PCSK6: variants seen among roughly 807,000 people sequenced by gnomAD.
PCSK6 encodes paired basic amino acid cleaving enzyme 4.
A neutral mutation model predicts 123.3 loss-of-function variants in PCSK6; 85 were observed. The observed-to-expected ratio is 0.69, with a 90% CI of 0.58 to 0.83. PCSK6 has a LOEUF of 0.83. PCSK6 is among the 40% of genes least tolerant of loss of function. PCSK6 has a pLI of 0.00. For synonymous variants in PCSK6, 508 were observed against 516.0 expected, an observed-to-expected ratio of 0.98 and a Z score of 0.21; for missense variants, 1,191 against 1,282.3, an observed-to-expected ratio of 0.93 and a Z score of 1.09.
intron 17 of PCSK6, among the ~76,000 whole-genome samples, chr15:101,324,170 C>T (rs79391053): frequency 0.025 from 3,834 of 152,280 alleles, 110 homozygotes; most frequent in East Asian, 0.12. Context: ...ATCTGTAGGA[C>T]GAGGAAAACA....
intron 19 of PCSK6, among the ~76,000 whole-genome samples, chr15:101,316,910 GTTTTTT>G (rs57613156): frequency 0.19 from 22,304 of 115,002 alleles, 2,201 homozygotes; most frequent in African/African-American, 0.29. Context: ...ACTTAATTCT[GTTTTTT>G]TTTTTTTTTT....
At chr15:101,312,812 C>A (rs1373395779) in intron 20 of PCSK6, among the ~76,000 whole-genome samples, 2 of 139,104 alleles carry the variant, frequency 1.4e-5, no homozygotes, top group Non-Finnish European at 3.0e-5. Flanking sequence ...GCCTGGGCGA[C>A]AGGCGAGACT....
intron 1 of PCSK6, among the ~76,000 whole-genome samples, chr15:101,444,569 A>G (rs2056838680): frequency 6.6e-6 from 1 of 152,194 alleles, no homozygotes; most frequent in South Asian, 2.1e-4. Context: ...CAGCAGTTCT[A>G]TATGATGATT....
chr15:101,489,136 T>G (rs2141289599), intron 1 of PCSK6, among the ~76,000 whole-genome samples: 5 of 136,842 alleles, frequency 3.7e-5, no homozygotes, highest in East Asian at 2.4e-4. Context: ...CGGACCTGCG[T>G]GGGCGCCCAC....
At chr15:101,357,892 A>G (rs2041092675) in intron 13 of PCSK6, among the ~76,000 whole-genome samples, 1 of 151,976 alleles carries the variant, frequency 6.6e-6, no homozygotes, top group Non-Finnish European at 1.5e-5. Flanking sequence ...ATCCACACTG[A>G]CGCCTTCTGT....
chr15:101,479,501 C>T (rs1244897540), intron 1 of PCSK6, among the ~76,000 whole-genome samples: 2 of 152,142 alleles, frequency 1.3e-5, no homozygotes, highest in Non-Finnish European at 2.9e-5. Flanking sequence ...TATGAGTGAG[C>T]AGGCCCGGCC....
intron 1 of PCSK6, among the ~76,000 whole-genome samples, chr15:101,472,485 C>T (rs1030482417): frequency 1.3e-5 from 2 of 152,236 alleles, no homozygotes; most frequent in Admixed American, 6.5e-5. Flanking sequence ...CCTGACAGCA[C>T]GATTCAAACA....
chr15:101,372,637 C>T (rs989188125), intron 11 of PCSK6, among the ~76,000 whole-genome samples: 2 of 152,068 alleles, frequency 1.3e-5, no homozygotes. Flanking sequence ...CCACCTTCAC[C>T]CCACACTAAG....
chr15:101,427,849 G>T (rs1217386296), intron 6 of PCSK6, 43 bp downstream of exon 6: 86 of 1,471,950 alleles, frequency 5.8e-5, no homozygotes, highest in Non-Finnish European at 6.1e-5. Flanking sequence ...AGCTGCCCCT[G>T]CCCCAGGCCC....
At chr15:101,389,827 T>C (rs1453661030) in intron 8 of PCSK6, among the ~76,000 whole-genome samples, 1 of 151,950 alleles carries the variant, frequency 6.6e-6, no homozygotes, top group Non-Finnish European at 1.5e-5. Flanking sequence ...TAATAATAGA[T>C]CAGCTGGTTC....
chr15:101,468,926 A>C (rs1177608282), intron 1 of PCSK6, among the ~76,000 whole-genome samples: 2 of 152,234 alleles, frequency 1.3e-5, no homozygotes, highest in African/African-American at 4.8e-5. Context: ...TGTTGCAATC[A>C]TATTTTACAG....
intron 1 of PCSK6, among the ~76,000 whole-genome samples, chr15:101,448,809 T>C (rs752679876): frequency 2.6e-4 from 40 of 152,356 alleles, no homozygotes; most frequent in Non-Finnish European, 5.1e-4. Flanking sequence ...TCCTTGTCCT[T>C]TGCGGCAGGT....
intron 1 of PCSK6, among the ~76,000 whole-genome samples, chr15:101,467,677 A>T (rs2141225087): frequency 6.6e-6 from 1 of 152,364 alleles, no homozygotes; most frequent in African/African-American, 2.4e-5. Flanking sequence ...AGTGAAAGTA[A>T]GAGAACCACA....
At chr15:101,356,407 T>G (rs1266080885) in intron 13 of PCSK6, among the ~76,000 whole-genome samples, 1 of 149,990 alleles carries the variant, frequency 6.7e-6, no homozygotes, top group Non-Finnish European at 1.5e-5. Context: ...ACCCTGTAAT[T>G]GCAGCACTTT....
At chr15:101,445,501 C>G (rs919617404) in intron 1 of PCSK6, among the ~76,000 whole-genome samples, 1 of 152,160 alleles carries the variant, frequency 6.6e-6, no homozygotes, top group Non-Finnish European at 1.5e-5. Flanking sequence ...TTATTTCTGC[C>G]CTATTTTGCT....
intron 13 of PCSK6, among the ~76,000 whole-genome samples, chr15:101,352,814 C>T (rs1292290713): frequency 3.3e-5 from 5 of 152,206 alleles, no homozygotes; most frequent in African/African-American, 4.8e-5. Flanking sequence ...GTTAAAGTGA[C>T]GGCTAACCCT....
chr15:101,402,078 A>C (rs2042605006), intron 6 of PCSK6, among the ~76,000 whole-genome samples: 1 of 151,380 alleles, frequency 6.6e-6, no homozygotes, highest in South Asian at 2.1e-4. Flanking sequence ...AGAGATATAG[A>C]TCAATGGAAC....
intron 12 of PCSK6, 61 bp downstream of exon 12, chr15:101,370,274 C>T (rs1339806341): frequency 1.5e-6 from 2 of 1,358,792 alleles, no homozygotes; most frequent in African/African-American, 3.0e-5. Flanking sequence ...TGGACAGAAG[C>T]TCTTGTGCAG....
chr15:101,458,757 C>T (rs1189293898), intron 1 of PCSK6, among the ~76,000 whole-genome samples: 1 of 152,194 alleles, frequency 6.6e-6, no homozygotes, highest in African/African-American at 2.4e-5. Context: ...CAATCATTCA[C>T]GCTCTCTGCG....
Sources: allele counts gnomAD v4.1 joint callset (sites outside exome capture counted in the v4.1 genomes callset), GRCh38; gene constraint gnomAD v4.1.1; transcripts MANE v1.5; gene names NCBI Gene and HGNC (gene_info 2026-07-23, HGNC 2026-07-21).